ARHGAP32: variants seen among roughly 807,000 people sequenced by gnomAD.
ARHGAP32 encodes the protein Rho GTPase activating protein 32.
A neutral mutation model predicts 186.5 loss-of-function variants in ARHGAP32; 51 were observed. The observed-to-expected ratio is 0.27, with a 90% CI of 0.22 to 0.35. The LOEUF (loss-of-function observed/expected upper bound fraction) is 0.35, where lower values mean the gene tolerates loss of function less well. Among genes scored for constraint, ARHGAP32 ranks in the 10% least tolerant of loss-of-function variants. The pLI, the probability that ARHGAP32 is intolerant of heterozygous loss-of-function variation, is 1.00. For synonymous variants in ARHGAP32, 950 were observed against 964.3 expected, an observed-to-expected ratio of 0.99 and a Z score of 0.27; for missense variants, 2,186 against 2,623.5, an observed-to-expected ratio of 0.83 and a Z score of 3.64.
chr11:128,983,144 C>T (rs1229763213), intron 15 of ARHGAP32, among the ~76,000 whole-genome samples: 1 of 152,076 alleles, frequency 6.6e-6, no homozygotes, highest in Admixed American at 6.5e-5. Context: ...AATTACCATT[C>T]CCCTTGTACC....
intron 1 of ARHGAP32, among the ~76,000 whole-genome samples, chr11:129,181,419 G>T (rs751179099): frequency 6.6e-6 from 1 of 152,022 alleles, no homozygotes; most frequent in Non-Finnish European, 1.5e-5. Flanking sequence ...TTTTACCCAC[G>T]GCTGATGATA....
intron 1 of ARHGAP32, among the ~76,000 whole-genome samples, chr11:129,187,176 T>C (rs1944179422): frequency 6.6e-6 from 1 of 152,184 alleles, no homozygotes; most frequent in African/African-American, 2.4e-5. Flanking sequence ...TGGAATACTA[T>C]TCAGTCATAA....
At chr11:129,226,334 A>G (rs905458009) in intron 1 of ARHGAP32, among the ~76,000 whole-genome samples, 4 of 152,178 alleles carry the variant, frequency 2.6e-5, no homozygotes, top group Admixed American at 2.0e-4. Context: ...CCTACATACC[A>G]TAATCAAACT....
Position 128,976,469 on chromosome 11 carries a change from T to C in ARHGAP32, c.2194+94A>G, listed in dbSNP as rs1262137407. The C allele has an allele frequency of 2.6e-5, 27 of 1,027,082 alleles. No individual in the cohort carries two copies. The East Asian group carries it at 5.5e-4, about 21-fold the overall frequency. 63.6% of individuals were successfully genotyped at this position (1,027,082 alleles called of 1,614,324 possible). A position where few individuals can be genotyped will look rare whatever the true frequency, so the allele number is the denominator to read the frequency against. On this transcript the variant is annotated intron_variant, in intron 20 of 22. Transcript: ENST00000682385. ...TCCTAGGAAATGAGTTAATAGCCTATTTATTAAGCACAGATATATAAAAAT... is the reference window on the plus strand; with the variant it reads ...TCCTAGGAAATGAGTTAATAGCCTACTTATTAAGCACAGATATATAAAAAT...
At chr11:129,164,999 C>G (rs1224776005) in intron 1 of ARHGAP32, among the ~76,000 whole-genome samples, 4 of 152,112 alleles carry the variant, frequency 2.6e-5, no homozygotes. Flanking sequence ...CAAGCAATTT[C>G]CACATTTAAT....
At chr11:129,257,044 C>T (rs1449124415) in intron 1 of ARHGAP32, among the ~76,000 whole-genome samples, 2 of 152,110 alleles carry the variant, frequency 1.3e-5, no homozygotes, top group African/African-American at 2.4e-5. Flanking sequence ...CTGACCAGGA[C>T]TAGATCACAT....
At chr11:129,258,610 G>A (rs563106525) in intron 1 of ARHGAP32, among the ~76,000 whole-genome samples, 2 of 152,146 alleles carry the variant, frequency 1.3e-5, no homozygotes, top group East Asian at 3.9e-4. Flanking sequence ...ACCCACTCCT[G>A]GAGGCCCTAG....
At chr11:129,218,652 C>A (rs142507984) in intron 1 of ARHGAP32, among the ~76,000 whole-genome samples, 2 of 151,978 alleles carry the variant, frequency 1.3e-5, no homozygotes, top group Non-Finnish European at 2.9e-5. Flanking sequence ...GAAGACAGAA[C>A]GGGGGAAAGG....
intron 5 of ARHGAP32, among the ~76,000 whole-genome samples, chr11:129,101,540 C>T (rs1238336116): frequency 6.6e-6 from 1 of 152,060 alleles, no homozygotes; most frequent in Admixed American, 6.5e-5. Context: ...AAACACACTA[C>T]AAGAAGTTTA....
intron 10 of ARHGAP32, among the ~76,000 whole-genome samples, 179 bp downstream of exon 10, chr11:129,062,101 C>T (rs1940524406): frequency 6.6e-6 from 1 of 152,124 alleles, no homozygotes; most frequent in Non-Finnish European, 1.5e-5. Flanking sequence ...AAGAAACAAC[C>T]AAAATAGTAA....
At chr11:129,169,778 T>C (rs1480377278) in intron 1 of ARHGAP32, among the ~76,000 whole-genome samples, 30 of 152,026 alleles carry the variant, frequency 2.0e-4, no homozygotes. Context: ...ATTTGTACAG[T>C]CCTACAGCTA....
At chr11:129,095,595 A>G (rs931502966) in intron 5 of ARHGAP32, among the ~76,000 whole-genome samples, 4 of 152,190 alleles carry the variant, frequency 2.6e-5, no homozygotes, top group African/African-American at 9.7e-5. Flanking sequence ...GCAGTGAAAC[A>G]GAGGAAAGGA....
At position 129,137,035 on chromosome 11, in the gene ARHGAP32, G is replaced by A. The variant is rs555190104; in HGVS notation, c.226-12141C>T. ...CTAGATGTCTATCAATAAGAAAACAGTTTAATACACTATATTGCATCCACA... is the reference window on the plus strand; with the variant it reads ...CTAGATGTCTATCAATAAGAAAACAATTTAATACACTATATTGCATCCACA... On this transcript the variant is annotated intron_variant, in intron 2 of 22. Transcript: ENST00000682385. 1.7e-3 allele frequency among the ~76,000 whole-genome samples: 262 copies of A among 151,758 alleles called. 3 individuals carry two copies. Among genetic ancestry groups the A allele is most frequent in the Middle Eastern group, 3.4e-3 (1 of 294 alleles).
rs529175140 is a variant in ARHGAP32 at position 128,967,143 on chromosome 11, T to C, written c.*1764A>G. 2.6e-5 allele frequency: 4 copies of C among 152,368 alleles called. No homozygotes were observed. Among genetic ancestry groups the C allele is most frequent in the South Asian group, 2.1e-4 (1 of 4,826 alleles). 9.4% of individuals were successfully genotyped at this position (152,368 alleles called of 1,614,324 possible). On this transcript the variant is annotated 3_prime_UTR_variant, in exon 23 of 23. Transcript: ENST00000682385. ...TAGAATATTTCCACATATCAATGTGTTGTTCTTGAAACATTTTATTTTTTT... is the reference window on the plus strand; with the variant it reads ...TAGAATATTTCCACATATCAATGTGCTGTTCTTGAAACATTTTATTTTTTT...
intron 5 of ARHGAP32, among the ~76,000 whole-genome samples, chr11:129,096,857 GGCATTCAAAA>G (rs1390592557): frequency 1.3e-5 from 2 of 151,976 alleles, no homozygotes; most frequent in Non-Finnish European, 2.9e-5. Context: ...AATAGACTAG[GGCATTCAAAA>G]GCAACTGACC....
At chr11:129,242,626 G>A (rs1945033892) in intron 1 of ARHGAP32, among the ~76,000 whole-genome samples, 1 of 151,584 alleles carries the variant, frequency 6.6e-6, no homozygotes, top group Admixed American at 6.6e-5. Flanking sequence ...GCTGAGGCAG[G>A]AGAATGGCAT....
chr11:129,183,554 T>C (rs1312442719), intron 1 of ARHGAP32, among the ~76,000 whole-genome samples: 3 of 152,184 alleles, frequency 2.0e-5, no homozygotes, highest in Non-Finnish European at 4.4e-5. Context: ...TGGTATCTCA[T>C]CTTTGTTGCT....
intron 12 of ARHGAP32, among the ~76,000 whole-genome samples, chr11:128,988,847 T>G (rs142821317): frequency 6.6e-6 from 1 of 152,332 alleles, no homozygotes; most frequent in East Asian, 1.9e-4. Flanking sequence ...TAAAACAGAA[T>G]TTTCAAAATA....
intron 14 of ARHGAP32, 137 bp from the exon 15 acceptor site, chr11:128,986,222 T>C: frequency 1.4e-6 from 1 of 729,644 alleles, no homozygotes; most frequent in Non-Finnish European, 2.3e-6. Context: ...CAACATTGTA[T>C]TCAGGAAGTA....
Sources: gnomAD v4.1 joint callset for allele counts (sites outside exome capture counted in the v4.1 genomes callset) on GRCh38, gnomAD v4.1.1 for gene constraint, MANE v1.5 for transcripts, NCBI Gene and HGNC (gene_info 2026-07-23, HGNC 2026-07-21) for gene names.